The following ASXL3 variants were observed in gnomAD, a reference collection of about 807,000 sequenced individuals.
ASXL3 encodes putative Polycomb group protein ASXL3.
ASXL3 carries 34 observed loss-of-function variants against 170.6 expected under a neutral mutation model. The observed-to-expected ratio is 0.20, with a 90% CI of 0.15 to 0.27. The LOEUF is 0.27. ASXL3 is among the 10% of genes least tolerant of loss of function. The pLI, the probability that ASXL3 is intolerant of heterozygous loss-of-function variation, is 1.00. For synonymous variants in ASXL3, 1,002 were observed against 989.1 expected, an observed-to-expected ratio of 1.01 and a Z score of -0.24; for missense variants, 2,592 against 2,695.3, an observed-to-expected ratio of 0.96 and a Z score of 0.85.
At chr18:33,590,850 T>G (rs1393214876) in intron 1 of ASXL3, among the ~76,000 whole-genome samples, 1 of 152,180 alleles carries the variant, frequency 6.6e-6, no homozygotes, top group Non-Finnish European at 1.5e-5. Context: ...TATAAGATAG[T>G]TTGACACAAT....
intron 8 of ASXL3, among the ~76,000 whole-genome samples, chr18:33,691,351 C>G (rs1219000157): frequency 1.3e-5 from 2 of 152,154 alleles, no homozygotes; most frequent in African/African-American, 4.8e-5. Context: ...TGTGGTGTTG[C>G]AGCCCCTAGG....
intron 4 of ASXL3, among the ~76,000 whole-genome samples, chr18:33,659,203 G>A (rs1399803415): frequency 6.6e-6 from 1 of 152,032 alleles, no homozygotes; most frequent in South Asian, 2.1e-4. Flanking sequence ...TGTACACTGG[G>A]TCAGAATTTG....
chr18:33,608,343 A>C (rs2065281365), intron 2 of ASXL3, among the ~76,000 whole-genome samples: 1 of 151,876 alleles, frequency 6.6e-6, no homozygotes, highest in Non-Finnish European at 1.5e-5. Flanking sequence ...TGGACTTGCT[A>C]TTCTAGATAT....
chr18:33,639,457 G>A (rs2065815673), intron 2 of ASXL3, among the ~76,000 whole-genome samples: 1 of 152,108 alleles, frequency 6.6e-6, no homozygotes, highest in South Asian at 2.1e-4. Context: ...AATTGTCAGT[G>A]TCTAGGTGTA....
chr18:33,636,369 CAG>C (rs2145183239), intron 2 of ASXL3, among the ~76,000 whole-genome samples: 1 of 152,152 alleles, frequency 6.6e-6, no homozygotes, highest in African/African-American at 2.4e-5. Context: ...GCCACAACAA[CAG>C]CCACAGCCAC....
chr18:33,603,456 C>G (rs530835350), intron 1 of ASXL3, among the ~76,000 whole-genome samples: 1 of 151,768 alleles, frequency 6.6e-6, no homozygotes, highest in South Asian at 2.1e-4. Context: ...GTGTAGTAGT[C>G]TAGGGGAGGA....
Position 33,746,586 on chromosome 18 carries a change from T to G in ASXL3, c.6738T>G (p.Val2246=). 6.3e-7 allele frequency: 1 copy of G among 1,586,192 alleles called. No individual in the cohort carries two copies. Among genetic ancestry groups the G allele is most frequent in the Non-Finnish European group, 8.6e-7 (1 of 1,164,198 alleles). ...CAAAACTTTGTGTAGCATGCCTGGT[T>G]GTACGATAAGAGCTGAGTGAAAGAT... ...GPSKLCVACL[V]VR The change falls in exon 12 of 12, where the codon GTT becomes GTG. Residue 2246 remains valine (V), a synonymous_variant. Coordinates refer to ENST00000269197, the MANE Select transcript of ASXL3 (RefSeq NM_030632.3).
intron 2 of ASXL3, among the ~76,000 whole-genome samples, chr18:33,618,591 A>G (rs919178243): frequency 6.6e-6 from 1 of 152,262 alleles, no homozygotes; most frequent in Middle Eastern, 3.4e-3. Context: ...TTTAAGGCAT[A>G]TGTTCATTCC....
chr18:33,654,769 G>A (rs986986679), intron 4 of ASXL3, among the ~76,000 whole-genome samples: 2 of 151,966 alleles, frequency 1.3e-5, no homozygotes, highest in Non-Finnish European at 2.9e-5. Flanking sequence ...CCCTGTGAGC[G>A]AAATCCTTGT....
intron 2 of ASXL3, among the ~76,000 whole-genome samples, chr18:33,627,438 A>G (rs899360414): frequency 6.6e-6 from 1 of 152,188 alleles, no homozygotes; most frequent in South Asian, 2.1e-4. Context: ...TTATCTAAAC[A>G]TGAAAATCCT....
intron 8 of ASXL3, among the ~76,000 whole-genome samples, chr18:33,689,026 C>A (rs2066644816): frequency 1.3e-5 from 2 of 151,354 alleles, no homozygotes; most frequent in African/African-American, 4.9e-5. Context: ...TGGAGTCTTA[C>A]CCTTTCACCC....
intron 1 of ASXL3, among the ~76,000 whole-genome samples, chr18:33,607,306 T>C (rs2065264951): frequency 6.6e-6 from 1 of 151,990 alleles, no homozygotes; most frequent in African/African-American, 2.4e-5. Flanking sequence ...ATAAAGGAAA[T>C]TATATACATT....
At chr18:33,736,956 C>T (rs978196811) in intron 10 of ASXL3, among the ~76,000 whole-genome samples, 2 of 152,112 alleles carry the variant, frequency 1.3e-5, no homozygotes. Context: ...AGAAATTTGG[C>T]TGCCAGTGGA....
chr18:33,734,647 T>C (rs1380346402), intron 10 of ASXL3, among the ~76,000 whole-genome samples: 1 of 152,196 alleles, frequency 6.6e-6, no homozygotes, highest in Non-Finnish European at 1.5e-5. Context: ...TATTTTGGGC[T>C]GAAAATAGCA....
intron 1 of ASXL3, among the ~76,000 whole-genome samples, chr18:33,599,377 T>C (rs2065160660): frequency 6.6e-6 from 1 of 152,086 alleles, no homozygotes. Context: ...TTGTAGTGGA[T>C]TGAACATGTA....
intron 2 of ASXL3, among the ~76,000 whole-genome samples, chr18:33,640,611 A>G (rs539182780): frequency 4.8e-4 from 73 of 152,250 alleles, no homozygotes; most frequent in African/African-American, 1.5e-3. Context: ...ATTCTAAACA[A>G]TTTTCACAAA....
At chr18:33,702,724 G>C (rs984535283) in intron 8 of ASXL3, among the ~76,000 whole-genome samples, 1 of 152,030 alleles carries the variant, frequency 6.6e-6, no homozygotes, top group African/African-American at 2.4e-5. Context: ...AATTACATTT[G>C]CCATTCATAA....
intron 5 of ASXL3, among the ~76,000 whole-genome samples, chr18:33,668,681 T>C (rs1038545300): frequency 3.3e-5 from 5 of 152,132 alleles, no homozygotes; most frequent in Non-Finnish European, 5.9e-5. Context: ...TTTATTCTTA[T>C]ATCATTTTTA....
chr18:33,742,748 C>A lies in ASXL3; in HGVS notation c.3040-140C>A. 5 of 1,231,730 alleles carry A rather than the reference C, an allele frequency of 4.1e-6. No individual in the cohort carries two copies. The South Asian group carries it at 1.0e-4, about 26-fold the overall frequency. The allele number at this position is 1,231,730 out of a possible 1,614,324, so 76.3% of individuals were successfully genotyped here. The stretch of plus-strand genomic sequence containing the variant: ...CTTATTGCTTTATGCCCTAAGGGTG[C>A]ATCCAGGGATTTAGGTGTAGTTCAT... On this transcript the variant is annotated intron_variant, in intron 11 of 11. Transcript: ENST00000269197.
Sources: gnomAD v4.1 joint callset for allele counts (sites outside exome capture counted in the v4.1 genomes callset) on GRCh38, gnomAD v4.1.1 for gene constraint, MANE v1.5 for transcripts, NCBI Gene and HGNC (gene_info 2026-07-23, HGNC 2026-07-21) for gene names.